FNDC5: variants seen among roughly 807,000 people sequenced by gnomAD.
The protein encoded by FNDC5 is fibronectin type III domain-containing protein 5.
In FNDC5, 10 loss-of-function variants were observed where a neutral mutation model predicts 24.6. That is an observed-to-expected ratio of 0.41 (90% CI 0.25 to 0.69). The LOEUF (loss-of-function observed/expected upper bound fraction) is 0.69, where lower values mean the gene tolerates loss of function less well. FNDC5 is among the 30% of genes least tolerant of loss of function. FNDC5 has a pLI of 0.34. For missense variants in FNDC5, 226 were observed against 282.9 expected (o/e 0.80, Z 1.44); for synonymous variants, 90 against 110.7 (o/e 0.81, Z 1.18).
rs998837067 is a variant in FNDC5, at chr1:32,864,393, C to T, written c.634-94G>A. The T allele has an allele frequency of 1.1e-5, 18 of 1,572,458 alleles. No homozygotes were observed. In the African/African-American group the frequency reaches 1.9e-4, roughly 17 times the overall value. ...GAGCAGGAATGGGCCAGACACCCCA[C>T]TCCTATTGTCCCGCGCCAACCAAGA... is the stretch of plus-strand genomic sequence containing the variant. On this transcript the variant is annotated intron_variant, in intron 5 of 5. Transcript: ENST00000373471.
chr1:32,870,630 C>G lies in FNDC5; in HGVS notation c.94+23G>C, dbSNP rs1641163676. The G allele has an allele frequency of 4.2e-6, 5 of 1,193,932 alleles. No individual in the cohort carries two copies. In the African/African-American group the frequency reaches 4.8e-5, roughly 11 times the overall value. The allele number at this position is 1,193,932 out of a possible 1,614,324, so 74.0% of individuals were successfully genotyped here. On this transcript the variant is annotated intron_variant, in intron 1 of 5. Transcript: ENST00000373471. Reference sequence around the variant, plus strand: ...CGAGAGGAGCCTGCCCCGGCGCCGGCCCCCCGCCCCGGGCCCCCTTACCCG... The same window carrying G: ...CGAGAGGAGCCTGCCCCGGCGCCGGGCCCCCGCCCCGGGCCCCCTTACCCG...
At chr1:32,867,713 G>A (rs1343375826) in intron 4 of FNDC5, 40 bp downstream of exon 4, 2 of 1,591,362 alleles carry the variant, frequency 1.3e-6, no homozygotes, top group Admixed American at 3.4e-5. Flanking sequence ...CCATTTCCCA[G>A]AATCTGAGGG....
rs987999934 is a variant in FNDC5, at chr1:32,870,842, G to A, written c.-96C>T. ...CGCTCGCGCTCCGGCCCCCGGCCCG[G>A]CCGGCCCGGCCGCTCCGGCCGCCCT... On this transcript the variant is annotated 5_prime_UTR_variant, in exon 1 of 6. Coordinates refer to ENST00000373471, the MANE Select transcript of FNDC5 (RefSeq NM_153756.3). The A allele has an allele frequency of 3.7e-6, 1 of 268,228 alleles. No homozygotes were observed. The highest frequency in any genetic ancestry group is 5.6e-6 in the Non-Finnish European group (1 of 179,356). 16.6% of individuals were successfully genotyped at this position (268,228 alleles called of 1,614,324 possible).
At chr1:32,869,582 A>G (rs1309400276) in intron 1 of FNDC5, among the ~76,000 whole-genome samples, 1 of 152,162 alleles carries the variant, frequency 6.6e-6, no homozygotes, top group Non-Finnish European at 1.5e-5. Flanking sequence ...CCTCTTATCC[A>G]TGCTCTTCCA....
chr1:32,867,004 C>T (rs1641083068), intron 4 of FNDC5, among the ~76,000 whole-genome samples: 1 of 152,140 alleles, frequency 6.6e-6, no homozygotes, highest in Admixed American at 6.5e-5. Context: ...GCATGAGGAT[C>T]ACTTGAGCCC....
At position 32,863,555 on chromosome 1, in the gene FNDC5, A is replaced by AT. The variant is rs1290981948; in HGVS notation, c.*738dup. On this transcript the variant is annotated 3_prime_UTR_variant, in exon 6 of 6. Coordinates refer to ENST00000373471, the MANE Select transcript of FNDC5 (RefSeq NM_153756.3). Reference sequence around the variant, plus strand: ...CCTTTTAGTTTTGTGGCTTATTTTTATTTTTTTGCAGAATTTGGGTTTGTA... The same window carrying AT: ...CCTTTTAGTTTTGTGGCTTATTTTTATTTTTTTTGCAGAATTTGGGTTTGTA... 2.4e-5 allele frequency: 12 copies of AT among 510,376 alleles called. No homozygotes were observed. The highest frequency in any genetic ancestry group is 4.1e-5 in the South Asian group (2 of 48,630). The allele number at this position is 510,376 out of a possible 1,614,324, so 31.6% of individuals were successfully genotyped here.
Position 32,864,034 on chromosome 1 carries a change from C to T in FNDC5, c.*260G>A, listed in dbSNP as rs1403204698. ...GGGCCCATGGCCCCTGGCACCCAGT[C>T]TACCCCCAGCAGTCATCCCTCTGAG... On this transcript the variant is annotated 3_prime_UTR_variant, in exon 6 of 6. Transcript: ENST00000373471. 6 of 1,389,340 alleles carry T rather than the reference C, an allele frequency of 4.3e-6. No individual in the cohort carries two copies. Among genetic ancestry groups the T allele is most frequent in the Non-Finnish European group, 5.6e-6 (6 of 1,067,230 alleles). 86.1% of individuals were successfully genotyped at this position (1,389,340 alleles called of 1,614,324 possible).
chr1:32,865,604 C>G (rs1227652815), intron 4 of FNDC5, among the ~76,000 whole-genome samples: 1 of 151,986 alleles, frequency 6.6e-6, no homozygotes, highest in Non-Finnish European at 1.5e-5. Flanking sequence ...GAGCTGAGAT[C>G]AGGCCACTGC....
chr1:32,863,921 A>C lies in FNDC5; in HGVS notation c.*373T>G, dbSNP rs1300884417. ...AGCTCTTGTCCCTTGTGGAAAGAAA[A>C]GAGAAGCCCTGCCTGGATGTCTTGT... On this transcript the variant is annotated 3_prime_UTR_variant, in exon 6 of 6. Transcript: ENST00000373471. 3.9e-6 allele frequency: 5 copies of C among 1,273,356 alleles called. No homozygotes were observed. Among genetic ancestry groups the C allele is most frequent in the Non-Finnish European group, 4.1e-6 (4 of 983,842 alleles). 78.9% of individuals were successfully genotyped at this position (1,273,356 alleles called of 1,614,324 possible).
intron 1 of FNDC5, 63 bp downstream of exon 1, chr1:32,870,590 C>T (rs1641162403): frequency 9.5e-7 from 1 of 1,049,584 alleles, no homozygotes; most frequent in Non-Finnish European, 1.2e-6. Flanking sequence ...CAGGGGACTC[C>T]CAGGTAGCTG....
Position 32,868,344 on chromosome 1 carries a change from G to A in FNDC5, c.255C>T (p.Thr85=). 6.2e-7 allele frequency: 1 copy of A among 1,614,152 alleles called. No homozygotes were observed. Among genetic ancestry groups the A allele is most frequent in the Admixed American group, 1.7e-5 (1 of 60,018 alleles). ...CCCAGAGGGCACATGAGCGGGTGGTGGTGTTCACCTCCTGGATGAAGCGCA... is the reference window on the plus strand; with the variant it reads ...CCCAGAGGGCACATGAGCGGGTGGTAGTGTTCACCTCCTGGATGAAGCGCA... Residue 85 remains threonine (T), a synonymous_variant, in exon 3 of 6, where the codon ACC becomes ACT. Coordinates refer to ENST00000373471, the MANE Select transcript of FNDC5 (RefSeq NM_153756.3). This position sits in a 1 kb window ranked among gnomAD's most constrained non-coding sequence, Gnocchi z 4.8.
chr1:32,868,455 G>A lies in FNDC5; in HGVS notation c.211-67C>T, dbSNP rs1026029820. 3.9e-5 allele frequency: 60 copies of A among 1,522,068 alleles called. No homozygotes were observed. The highest frequency in any genetic ancestry group is 4.9e-5 in the Non-Finnish European group (55 of 1,120,872). 94.3% of individuals were successfully genotyped at this position (1,522,068 alleles called of 1,614,324 possible). On this transcript the variant is annotated intron_variant, in intron 2 of 5. Transcript: ENST00000373471. This position sits in a 1 kb window ranked among gnomAD's most constrained non-coding sequence, Gnocchi z 4.8. ...CAGCCCCGCTCCTGCCCACCTCCCA[G>A]TGGTGACAAAGCCTTTACATACACA...
chr1:32,865,918 T>G (rs889492663), intron 4 of FNDC5, among the ~76,000 whole-genome samples: 2 of 152,234 alleles, frequency 1.3e-5, no homozygotes, highest in African/African-American at 4.8e-5. Flanking sequence ...GCCTGCAGTC[T>G]GTTAAATGTT....
Position 32,863,684 on chromosome 1 carries a change from G to A in FNDC5, c.*610C>T. The A allele has an allele frequency of 7.7e-7, 1 of 1,302,988 alleles. No homozygotes were observed. Among genetic ancestry groups the A allele is most frequent in the South Asian group, 1.2e-5 (1 of 80,982 alleles). 80.7% of individuals were successfully genotyped at this position (1,302,988 alleles called of 1,614,324 possible). Reference sequence around the variant, plus strand: ...GTTGTCCCTCTCCCTGTGCCCGTGGGCCTGGGGACCAGCTGAGAAGAAAAA... The same window carrying A: ...GTTGTCCCTCTCCCTGTGCCCGTGGACCTGGGGACCAGCTGAGAAGAAAAA... On this transcript the variant is annotated 3_prime_UTR_variant, in exon 6 of 6. Transcript: ENST00000373471.
At chr1:32,864,887 C>A in intron 4 of FNDC5, 90 bp from the exon 5 acceptor site, 1 of 1,540,108 alleles carries the variant, frequency 6.5e-7, no homozygotes, top group East Asian at 2.3e-5. Flanking sequence ...AATGGTCTCT[C>A]CAGATTGTAC....
At chr1:32,870,482 C>T (rs538879713) in intron 1 of FNDC5, among the ~76,000 whole-genome samples, 171 bp downstream of exon 1, 2 of 151,790 alleles carry the variant, frequency 1.3e-5, no homozygotes, top group Non-Finnish European at 2.9e-5. Flanking sequence ...AACTGAAGGA[C>T]AGGTCTGGGG....
chr1:32,865,369 G>C (rs1179169128), intron 4 of FNDC5, among the ~76,000 whole-genome samples: 2 of 150,136 alleles, frequency 1.3e-5, no homozygotes, highest in Non-Finnish European at 3.0e-5. Flanking sequence ...AAAGTGCTGG[G>C]ATTACAGGTA....
In FNDC5 at chr1:32,868,423, C is replaced by T. The variant is rs533821354; in HGVS notation, c.211-35G>A. ...AGCGCCGGTCACTGCTGTCAACACT[C>T]GGTGACCAGCCCCGCTCCTGCCCAC... On this transcript the variant is annotated intron_variant, in intron 2 of 5. Coordinates refer to ENST00000373471, the MANE Select transcript of FNDC5 (RefSeq NM_153756.3). This position sits in a 1 kb window ranked among gnomAD's most constrained non-coding sequence, Gnocchi z 4.8. 93 of 1,598,230 alleles carry T rather than the reference C, an allele frequency of 5.8e-5. No individual in the cohort carries two copies. In the Admixed American group the frequency reaches 9.3e-4, roughly 16 times the overall value.
intron 5 of FNDC5, 121 bp from the exon 6 acceptor site, chr1:32,864,420 T>C: frequency 2.6e-6 from 4 of 1,512,690 alleles, no homozygotes; most frequent in Non-Finnish European, 2.7e-6. Flanking sequence ...CAACCAAGAA[T>C]TCTGCCCTCC....
Sources: allele counts gnomAD v4.1 joint callset (sites outside exome capture counted in the v4.1 genomes callset), GRCh38; gene constraint gnomAD v4.1.1; non-coding constraint Gnocchi (gnomAD v3.1); transcripts MANE v1.5; gene names NCBI Gene and HGNC (gene_info 2026-07-23, HGNC 2026-07-21).